Variants in CSMD3 observed in about 807,000 individuals in gnomAD.
The protein encoded by CSMD3 is CUB and Sushi multiple domains 3.
In CSMD3, 177 loss-of-function variants were observed where a neutral mutation model predicts 435.2. The ratio of observed to expected loss-of-function variants is 0.41; its 90% CI spans 0.36 to 0.46. The LOEUF (loss-of-function observed/expected upper bound fraction) is 0.46. Among genes scored for constraint, CSMD3 ranks in the 20% least tolerant of loss-of-function variants. CSMD3 has a pLI of 0.34. For synonymous variants in CSMD3, 1,656 were observed against 1,520.5 expected, an observed-to-expected ratio of 1.09 and a Z score of -2.07; for missense variants, 4,265 against 4,504.6, an observed-to-expected ratio of 0.95 and a Z score of 1.52.
At chr8:112,545,611 T>C (rs1387976038) in intron 27 of CSMD3, among the ~76,000 whole-genome samples, 1 of 151,878 alleles carries the variant, frequency 6.6e-6, no homozygotes, top group African/African-American at 2.4e-5. Context: ...AAGTGTCCTA[T>C]GTTCTATCCT....
intron 13 of CSMD3, among the ~76,000 whole-genome samples, chr8:112,741,712 GC>G (rs983053575): frequency 4.6e-5 from 7 of 150,910 alleles, no homozygotes; most frequent in East Asian, 3.9e-4. Context: ...TAATTTAAAA[GC>G]CCCCCCCATC....
rs191855635 is a variant in CSMD3, at chr8:112,330,999, T to C, written c.7165+4330A>G. Among the ~76,000 whole-genome samples, 23 of 152,104 alleles carry C rather than the reference T, an allele frequency of 1.5e-4. No individual in the cohort carries two copies. The East Asian group carries it at 4.4e-3, about 29-fold the overall frequency. On this transcript the variant is annotated intron_variant, in intron 45 of 70. Coordinates refer to ENST00000297405, the MANE Select transcript of CSMD3 (RefSeq NM_198123.2). ...GGCTTTATGTAGGTTATCCGGTTTT[T>C]TACTCAGTTTGTTCATTATTAAAAT...
chr8:112,551,588 T>C (rs977274233), intron 26 of CSMD3, among the ~76,000 whole-genome samples: 1 of 152,096 alleles, frequency 6.6e-6, no homozygotes, highest in Non-Finnish European at 1.5e-5. Flanking sequence ...TTTTTAGAAA[T>C]TGCAGAAATC....
intron 49 of CSMD3, 66 bp downstream of exon 49, chr8:112,313,840 C>T (rs1822213312): frequency 1.6e-6 from 2 of 1,284,208 alleles, no homozygotes; most frequent in Non-Finnish European, 2.3e-6. Context: ...AGTGTCTCTG[C>T]TCCTTAATCA....
intron 2 of CSMD3, among the ~76,000 whole-genome samples, chr8:113,299,724 G>A (rs564712973): frequency 6.6e-6 from 1 of 152,272 alleles, no homozygotes; most frequent in East Asian, 1.9e-4. Flanking sequence ...GCTGGGCACA[G>A]TGGCTCATGC....
chr8:112,570,166 T>A (rs1586704802), intron 24 of CSMD3, among the ~76,000 whole-genome samples: 1 of 152,194 alleles, frequency 6.6e-6, no homozygotes, highest in Non-Finnish European at 1.5e-5. Context: ...ATTTTGTGAA[T>A]ATTTAAAATA....
chr8:113,387,429 C>G (rs2094443814), intron 1 of CSMD3, among the ~76,000 whole-genome samples: 1 of 151,698 alleles, frequency 6.6e-6, no homozygotes, highest in Non-Finnish European at 1.5e-5. Context: ...TACTGTCTTT[C>G]AAGTACCACA....
intron 3 of CSMD3, among the ~76,000 whole-genome samples, chr8:113,233,263 T>C (rs1383809556): frequency 6.6e-6 from 1 of 151,500 alleles, no homozygotes; most frequent in African/African-American, 2.4e-5. Flanking sequence ...TTTGGGCTTA[T>C]ATATCTCTGA....
At position 113,408,044 on chromosome 8, in the gene CSMD3, C is replaced by A. The variant is rs191480684; in HGVS notation, c.178+28633G>T. On this transcript the variant is annotated intron_variant, in intron 1 of 70. Coordinates refer to ENST00000297405, the MANE Select transcript of CSMD3 (RefSeq NM_198123.2). ...TTAAATAGTTAAAAATTTTTTTAAA[C>A]CTTTAAACAAACAGAAAATTAACCA... Among the ~76,000 whole-genome samples, 743 of 152,124 alleles carry A rather than the reference C, an allele frequency of 4.9e-3. 3 individuals are homozygous for A. The highest frequency in any genetic ancestry group is 0.017 in the African/African-American group (710 of 41,510).
intron 4 of CSMD3, among the ~76,000 whole-genome samples, chr8:113,124,892 T>G (rs981277705): frequency 1.3e-5 from 2 of 152,012 alleles, no homozygotes; most frequent in African/African-American, 2.4e-5. Context: ...ATTCAGTCTA[T>G]TCTATAAGTA....
chr8:112,792,742 A>T (rs996379601), intron 13 of CSMD3, among the ~76,000 whole-genome samples: 1 of 151,874 alleles, frequency 6.6e-6, no homozygotes, highest in African/African-American at 2.4e-5. Flanking sequence ...TTAACAGTTA[A>T]TTTTTTTTGA....
chr8:113,163,394 C>A (rs185869278), intron 4 of CSMD3, among the ~76,000 whole-genome samples: 8 of 152,016 alleles, frequency 5.3e-5, no homozygotes, highest in African/African-American at 1.4e-4. Flanking sequence ...GAAATGCAAT[C>A]ATATAACAAC....
At chr8:112,986,993 T>C (rs1456109987) in intron 6 of CSMD3, among the ~76,000 whole-genome samples, 1 of 152,066 alleles carries the variant, frequency 6.6e-6, no homozygotes, top group Non-Finnish European at 1.5e-5. Flanking sequence ...TATATATCTG[T>C]GTGTATATAT....
intron 13 of CSMD3, among the ~76,000 whole-genome samples, chr8:112,753,283 G>A (rs986495594): frequency 1.3e-5 from 2 of 152,100 alleles, no homozygotes; most frequent in Non-Finnish European, 1.5e-5. Flanking sequence ...GGTTGGAGAT[G>A]AAAAGAGGAC....
At chr8:112,786,403 A>C (rs1367643356) in intron 13 of CSMD3, among the ~76,000 whole-genome samples, 1 of 152,134 alleles carries the variant, frequency 6.6e-6, no homozygotes, top group Non-Finnish European at 1.5e-5. Context: ...CAGGCAGCCA[A>C]AGCAAAAAGG....
chr8:113,434,700 A>G (rs974487731), intron 1 of CSMD3, among the ~76,000 whole-genome samples: 6 of 152,306 alleles, frequency 3.9e-5, no homozygotes, highest in African/African-American at 1.2e-4. Context: ...TTCCTTCTCA[A>G]TATCTCCAAA....
chr8:112,410,985 G>T (rs935126562), intron 32 of CSMD3, among the ~76,000 whole-genome samples: 1 of 139,360 alleles, frequency 7.2e-6, no homozygotes, highest in Non-Finnish European at 1.6e-5. Flanking sequence ...GTACAATACC[G>T]CATCCTTTAA....
intron 13 of CSMD3, among the ~76,000 whole-genome samples, chr8:112,735,669 G>T (rs536190977): frequency 6.6e-6 from 1 of 151,944 alleles, no homozygotes; most frequent in Non-Finnish European, 1.5e-5. Flanking sequence ...CTTGAGATCA[G>T]CTATCCCTTT....
At chr8:112,872,169 A>T (rs976286146) in intron 10 of CSMD3, among the ~76,000 whole-genome samples, 1 of 152,078 alleles carries the variant, frequency 6.6e-6, no homozygotes, top group Non-Finnish European at 1.5e-5. Flanking sequence ...TTAAATCAGC[A>T]TCTGGAACTA....
Sources: gnomAD v4.1 joint callset for allele counts (sites outside exome capture counted in the v4.1 genomes callset) on GRCh38, gnomAD v4.1.1 for gene constraint, MANE v1.5 for transcripts, NCBI Gene and HGNC (gene_info 2026-07-23, HGNC 2026-07-21) for gene names.